The following PALM2AKAP2 variants were observed in gnomAD, a reference collection of about 807,000 sequenced individuals.
PALM2AKAP2 encodes the protein PALM2-AKAP2 fusion protein.
A neutral mutation model predicts 71.5 loss-of-function variants in PALM2AKAP2; 37 were observed. That is an observed-to-expected ratio of 0.52 (90% CI 0.40 to 0.68). The LOEUF is 0.68. Among genes scored for constraint, PALM2AKAP2 ranks in the 30% least tolerant of loss-of-function variants. The pLI, the probability that PALM2AKAP2 is intolerant of heterozygous loss-of-function variation, is 0.00. For missense variants in PALM2AKAP2, 1,224 were observed against 1,191.8 expected, an observed-to-expected ratio of 1.03 and a Z score of -0.40; for synonymous variants, 468 against 478.8, an observed-to-expected ratio of 0.98 and a Z score of 0.29.
intron 1 of PALM2AKAP2, among the ~76,000 whole-genome samples, chr9:110,122,224 C>G (rs892539284): frequency 2.0e-5 from 3 of 152,194 alleles, no homozygotes; most frequent in Non-Finnish European, 4.4e-5. Context: ...GACAAGGTCT[C>G]ACTACGTTGC....
At chr9:110,080,537 A>G (rs1834426884) in intron 1 of PALM2AKAP2, among the ~76,000 whole-genome samples, 1 of 152,238 alleles carries the variant, frequency 6.6e-6, no homozygotes, top group African/African-American at 2.4e-5. Context: ...CGTGGCTCAC[A>G]TAGGAAATCT....
intron 1 of PALM2AKAP2, among the ~76,000 whole-genome samples, chr9:109,675,406 T>A (rs920889915): frequency 1.3e-5 from 2 of 152,170 alleles, no homozygotes; most frequent in Admixed American, 6.5e-5. Context: ...AATTACCAAT[T>A]TTGGTGATTA....
chr9:110,116,991 T>C (rs1835377536), intron 1 of PALM2AKAP2, among the ~76,000 whole-genome samples: 1 of 152,238 alleles, frequency 6.6e-6, no homozygotes, highest in Non-Finnish European at 1.5e-5. Context: ...AAAGTCTAAA[T>C]GTATTTAAAG....
chr9:109,941,600 G>A (rs748504362), intron 6 of PALM2AKAP2, among the ~76,000 whole-genome samples: 10 of 152,206 alleles, frequency 6.6e-5, no homozygotes, highest in Non-Finnish European at 1.2e-4. Flanking sequence ...TGATGGGTTC[G>A]TGGCACATCC....
intron 1 of PALM2AKAP2, among the ~76,000 whole-genome samples, chr9:110,120,877 G>A (rs575201079): frequency 1.3e-5 from 2 of 152,234 alleles, no homozygotes; most frequent in African/African-American, 2.4e-5. Flanking sequence ...GGATGCAGTG[G>A]GGAGGGCGAA....
intron 1 of PALM2AKAP2, among the ~76,000 whole-genome samples, chr9:109,665,899 G>A (rs927076926): frequency 6.6e-6 from 1 of 152,182 alleles, no homozygotes; most frequent in East Asian, 1.9e-4. Context: ...CAGCAATGGC[G>A]GATGCCCCTC....
chr9:109,790,407 A>C (rs2118864931), intron 1 of PALM2AKAP2, among the ~76,000 whole-genome samples: 1 of 152,300 alleles, frequency 6.6e-6, no homozygotes, highest in Admixed American at 6.5e-5. Context: ...TTCAGGGCTG[A>C]AACTTAAAAC....
intron 6 of PALM2AKAP2, among the ~76,000 whole-genome samples, chr9:109,964,998 T>C (rs985213244): frequency 2.6e-5 from 4 of 152,178 alleles, no homozygotes; most frequent in Admixed American, 6.5e-5. Flanking sequence ...CCATCAACAT[T>C]GACAGAGATA....
intron 1 of PALM2AKAP2, among the ~76,000 whole-genome samples, chr9:110,075,674 T>G (rs1431793323): frequency 6.6e-6 from 1 of 152,074 alleles, no homozygotes; most frequent in Admixed American, 6.6e-5. Flanking sequence ...AATGGACTTT[T>G]GGATCCTAAT....
intron 1 of PALM2AKAP2, among the ~76,000 whole-genome samples, chr9:109,691,636 G>C (rs1366086018): frequency 6.6e-6 from 1 of 150,840 alleles, no homozygotes; most frequent in African/African-American, 2.4e-5. Context: ...TGGAAGTTAG[G>C]AACCAAAAAG....
At chr9:110,136,311 A>G in exon 2 of PALM2AKAP2, 1 of 1,614,138 alleles carries the variant, frequency 6.2e-7, no homozygotes, top group Middle Eastern at 1.6e-4. Flanking sequence ...CCCATGGACC[A>G]TCCCTCCGCT....
In PALM2AKAP2 at chr9:109,730,905, G is replaced by GA. The variant is rs528638434; in HGVS notation, c.6-49572dup. On this transcript the variant is annotated intron_variant, in intron 1 of 6. Transcript: ENST00000374531. ...CTTGAATAGCGCTCATTTGCCAGTG[G>GA]AAAAAAAAAAAGGATAACATAACAT... 4.3e-3 allele frequency among the ~76,000 whole-genome samples: 617 copies of GA among 144,800 alleles called. 4 individuals carry two copies. The highest frequency in any genetic ancestry group is 0.014 in the African/African-American group (565 of 39,576). The allele number at this position is 144,800 out of a possible 152,430, so 95.0% of individuals were successfully genotyped here.
chr9:110,085,617 G>A (rs564321), intron 1 of PALM2AKAP2, among the ~76,000 whole-genome samples: 87,358 of 152,030 alleles, frequency 0.57, 25,256 homozygotes, highest in African/African-American at 0.63. Context: ...AGAAAACATA[G>A]TATACTCTGT....
At chr9:109,991,620 C>T (rs1198854800) in intron 6 of PALM2AKAP2, among the ~76,000 whole-genome samples, 1 of 152,196 alleles carries the variant, frequency 6.6e-6, no homozygotes, top group Non-Finnish European at 1.5e-5. Flanking sequence ...TAACTCCTCC[C>T]CCTAATACTG....
intron 1 of PALM2AKAP2, among the ~76,000 whole-genome samples, chr9:109,781,900 G>A (rs1177365151): frequency 6.6e-6 from 1 of 152,234 alleles, no homozygotes; most frequent in East Asian, 1.9e-4. Flanking sequence ...AGCATGGCCA[G>A]TGTGTCATGA....
At chr9:109,759,748 G>C (rs2118731573) in intron 1 of PALM2AKAP2, among the ~76,000 whole-genome samples, 1 of 152,154 alleles carries the variant, frequency 6.6e-6, no homozygotes, top group African/African-American at 2.4e-5. Flanking sequence ...ACCTCTCTTA[G>C]GGAAATTATC....
intron 6 of PALM2AKAP2, among the ~76,000 whole-genome samples, chr9:109,998,607 T>C (rs927717593): frequency 3.9e-5 from 5 of 128,254 alleles, no homozygotes; most frequent in African/African-American, 1.2e-4. Flanking sequence ...CTTCTTAATA[T>C]GGTACTTTCT....
chr9:109,697,851 T>A (rs1482922640), intron 1 of PALM2AKAP2, among the ~76,000 whole-genome samples: 1 of 152,226 alleles, frequency 6.6e-6, no homozygotes, highest in Admixed American at 6.5e-5. Flanking sequence ...TATCTCCATT[T>A]AAATGAATTG....
At chr9:109,653,381 C>G (rs549179063) in intron 1 of PALM2AKAP2, among the ~76,000 whole-genome samples, 1 of 152,232 alleles carries the variant, frequency 6.6e-6, no homozygotes, top group African/African-American at 2.4e-5. Flanking sequence ...TCGAAAGCCT[C>G]TGAACCTCTG....
Sources: gnomAD v4.1 joint callset for allele counts (sites outside exome capture counted in the v4.1 genomes callset) on GRCh38, gnomAD v4.1.1 for gene constraint, MANE v1.5 for transcripts, NCBI Gene and HGNC (gene_info 2026-07-23, HGNC 2026-07-21) for gene names.